XIRP2: variants seen among roughly 807,000 people sequenced by gnomAD.
The protein encoded by XIRP2 is xin actin-binding repeat-containing protein 2.
XIRP2 carries 236 observed loss-of-function variants against 277.0 expected under a neutral mutation model. The observed-to-expected ratio is 0.85, with a 90% confidence interval of 0.77 to 0.95. The LOEUF (loss-of-function observed/expected upper bound fraction) is 0.95. Ranked by LOEUF, XIRP2 falls within the 40% of genes least tolerant of loss-of-function variation. The pLI is 0.00. For synonymous variants in XIRP2, 1,490 were observed against 1,416.5 expected, an observed-to-expected ratio of 1.05 and a Z score of -1.17; for missense variants, 4,640 against 4,157.5, an observed-to-expected ratio of 1.12 and a Z score of -3.19.
intron 2 of XIRP2, among the ~76,000 whole-genome samples, chr2:167,095,648 A>G (rs959635405): frequency 3.9e-5 from 6 of 152,120 alleles, no homozygotes; most frequent in Admixed American, 1.3e-4. Flanking sequence ...CGAGCCTTGC[A>G]TCCCATGGAT....
intron 1 of XIRP2, among the ~76,000 whole-genome samples, chr2:166,900,484 C>A (rs1462018334): frequency 6.6e-6 from 1 of 151,860 alleles, no homozygotes; most frequent in Non-Finnish European, 1.5e-5. Flanking sequence ...GTGTTGGTGT[C>A]TGTTGATTGT....
At chr2:167,009,823 G>T (rs540759820) in intron 2 of XIRP2, among the ~76,000 whole-genome samples, 19 of 152,256 alleles carry the variant, frequency 1.2e-4, no homozygotes, top group Admixed American at 9.2e-4. Flanking sequence ...CAGTGACGGT[G>T]AGCATTTCTT....
intron 2 of XIRP2, among the ~76,000 whole-genome samples, chr2:167,019,656 A>G (rs568113211): frequency 1.3e-5 from 2 of 152,222 alleles, no homozygotes; most frequent in South Asian, 4.1e-4. Context: ...TCATTGTTTT[A>G]CTGAGAAGTG....
Position 167,259,312 on chromosome 2 carries a change from C to A in XIRP2, c.*1495C>A, listed in dbSNP as rs1346253197. ...GAGTGGAGGTGCAGTCAGAACAACT[C>A]ACGGTGGAAGAGCAGATTAAAAGAA... On this transcript the variant is annotated 3_prime_UTR_variant, in exon 11 of 11. Coordinates refer to ENST00000409195, the MANE Select transcript of XIRP2 (RefSeq NM_152381.6). The A allele has an allele frequency of 6.2e-7, 1 of 1,612,542 alleles. No individual in the cohort carries two copies. Among genetic ancestry groups the A allele is most frequent in the African/African-American group, 1.3e-5 (1 of 74,744 alleles).
chr2:167,134,650 C>G (rs953277403), intron 2 of XIRP2, among the ~76,000 whole-genome samples: 2 of 152,080 alleles, frequency 1.3e-5, no homozygotes, highest in Non-Finnish European at 2.9e-5. Flanking sequence ...TAGTACCGAA[C>G]CCTACATATA....
intron 2 of XIRP2, among the ~76,000 whole-genome samples, chr2:167,005,768 CATGTAGAATCTCTTT>C (rs1435647098): frequency 1.4e-5 from 2 of 145,090 alleles, no homozygotes; most frequent in Non-Finnish European, 3.0e-5. Context: ...TTAAATATAG[CATGTAGAATCTCTTT>C]ATTGATAAAA....
chr2:166,988,307 C>T (rs116446414), intron 2 of XIRP2, among the ~76,000 whole-genome samples: 2,728 of 152,194 alleles, frequency 0.018, 28 homozygotes, highest in Non-Finnish European at 0.027. Flanking sequence ...TGCCAGTATT[C>T]TTTAGAAGTA....
chr2:166,911,094 T>C (rs2105345976), intron 2 of XIRP2, among the ~76,000 whole-genome samples: 1 of 152,314 alleles, frequency 6.6e-6, no homozygotes, highest in African/African-American at 2.4e-5. Flanking sequence ...ATTCTGTTGA[T>C]TTGGGGTGGA....
intron 2 of XIRP2, among the ~76,000 whole-genome samples, chr2:167,095,311 C>A (rs1198380983): frequency 6.6e-6 from 1 of 152,112 alleles, no homozygotes; most frequent in Non-Finnish European, 1.5e-5. Flanking sequence ...TTATTTCTTT[C>A]TCTTACCTGA....
intron 2 of XIRP2, among the ~76,000 whole-genome samples, chr2:167,026,181 G>A (rs2105494759): frequency 6.6e-6 from 1 of 152,276 alleles, no homozygotes; most frequent in East Asian, 1.9e-4. Context: ...AGCTCTTGTT[G>A]TTGAATTGAT....
At chr2:167,074,557 T>G (rs988817608) in intron 2 of XIRP2, among the ~76,000 whole-genome samples, 2 of 152,238 alleles carry the variant, frequency 1.3e-5, no homozygotes, top group South Asian at 2.1e-4. Context: ...TCAGCATGGT[T>G]TAGGAGACAA....
intron 2 of XIRP2, among the ~76,000 whole-genome samples, chr2:167,021,609 G>A (rs2105485519): frequency 6.6e-6 from 1 of 152,132 alleles, no homozygotes; most frequent in South Asian, 2.1e-4. Context: ...AGCACTTTGG[G>A]AGGCTGAGGC....
At position 166,903,543 on chromosome 2, in the gene XIRP2, T is replaced by C. The variant is rs1300322765; in HGVS notation, c.61T>C (p.Tyr21His). The change falls in exon 2 of 11, where the codon TAT becomes CAT. Residue 21 changes from tyrosine to histidine, a missense_variant. Coordinates refer to ENST00000409195, the MANE Select transcript of XIRP2 (RefSeq NM_152381.6). ...LLRQKWESCD[Y>H]QRSECHPRDS... Reference sequence around the variant, plus strand: ...GAGGCAGAAATGGGAATCTTGTGATTATCAGAGAAGTGAGTGTCATCCCAG... The same window carrying C: ...GAGGCAGAAATGGGAATCTTGTGATCATCAGAGAAGTGAGTGTCATCCCAG... 9 of 1,613,430 alleles carry C rather than the reference T, an allele frequency of 5.6e-6. No individual in the cohort carries two copies. In the East Asian group the frequency reaches 2.0e-4, roughly 36 times the overall value.
At chr2:167,198,089 T>C (rs552926026) in intron 3 of XIRP2, among the ~76,000 whole-genome samples, 1 of 152,188 alleles carries the variant, frequency 6.6e-6, no homozygotes, top group South Asian at 2.1e-4. Context: ...TAAATAACTG[T>C]AAATAAATTA....
chr2:166,935,657 A>G (rs932720539), intron 2 of XIRP2, among the ~76,000 whole-genome samples: 1 of 152,112 alleles, frequency 6.6e-6, no homozygotes, highest in Admixed American at 6.5e-5. Flanking sequence ...TTGAGAACAT[A>G]CAGTGTTTGG....
At chr2:167,054,481 C>T (rs900199156) in intron 2 of XIRP2, among the ~76,000 whole-genome samples, 4 of 152,074 alleles carry the variant, frequency 2.6e-5, no homozygotes, top group Non-Finnish European at 2.9e-5. Context: ...GTCAGGAGTT[C>T]GAGACAAGCC....
At chr2:166,979,440 G>A (rs774115318) in intron 2 of XIRP2, among the ~76,000 whole-genome samples, 1 of 144,276 alleles carries the variant, frequency 6.9e-6, no homozygotes, top group East Asian at 2.1e-4. Flanking sequence ...GTAAAAGTAA[G>A]CATTCTTGCC....
Position 167,021,370 on chromosome 2 carries a change from T to C in XIRP2, c.409-114539T>C, listed in dbSNP as rs188451926. Among the ~76,000 whole-genome samples, 20 of 152,244 alleles carry C rather than the reference T, an allele frequency of 1.3e-4. No homozygotes were observed. In the East Asian group the frequency reaches 3.7e-3, roughly 28 times the overall value. ...GTATGGTGATACAACTATTTATTAG[T>C]TGTTTCCTGATATGTCTGCTCCCAA... On this transcript the variant is annotated intron_variant, in intron 2 of 10. Coordinates refer to ENST00000409195, the MANE Select transcript of XIRP2 (RefSeq NM_152381.6).
chr2:167,216,008 C>G (rs529349322), intron 4 of XIRP2, among the ~76,000 whole-genome samples: 45 of 150,520 alleles, frequency 3.0e-4, no homozygotes, highest in African/African-American at 1.0e-3. Flanking sequence ...CTTTGACAAA[C>G]CTGAGAAAAA....
Sources: allele counts gnomAD v4.1 joint callset (sites outside exome capture counted in the v4.1 genomes callset), GRCh38; gene constraint gnomAD v4.1.1; transcripts MANE v1.5; gene names NCBI Gene and HGNC (gene_info 2026-07-23, HGNC 2026-07-21).